The following CHID1 variants were observed in gnomAD, a reference collection of about 807,000 sequenced individuals.
CHID1 encodes the protein chitinase domain containing 1, also known as chitinase domain-containing protein 1.
In CHID1, 44 loss-of-function variants were observed where a neutral mutation model predicts 55.4. The observed-to-expected ratio is 0.79, with a 90% CI of 0.62 to 1.02. The LOEUF (loss-of-function observed/expected upper bound fraction) is 1.02. CHID1 is among the 50% of genes least tolerant of loss of function. The probability of loss-of-function intolerance (pLI) is 0.00; values close to 1 mark genes in which losing one functional copy is unlikely to be tolerated. For missense variants in CHID1, 491 were observed against 515.3 expected, an observed-to-expected ratio of 0.95 and a Z score of 0.46; for synonymous variants, 216 against 212.9, an observed-to-expected ratio of 1.01 and a Z score of -0.13.
intron 11 of CHID1, 33 bp from the exon 12 acceptor site, chr11:870,196 T>A: frequency 6.2e-7 from 1 of 1,612,940 alleles, no homozygotes; most frequent in Non-Finnish European, 8.5e-7. Context: ...GCCCATCCGC[T>A]CTGCTGGTTC....
chr11:913,610 T>TA (rs1852807713), upstream of CHID1, among the ~76,000 whole-genome samples: 3 of 150,380 alleles, frequency 2.0e-5, no homozygotes, highest in African/African-American at 7.4e-5. Flanking sequence ...CCATCTCTAT[T>TA]AAAATACAAA....
intron 1 of CHID1, chr11:908,267 T>G (rs1402478912): frequency 3.9e-5 from 6 of 152,394 alleles, no homozygotes; most frequent in African/African-American, 1.4e-4. Context: ...AGGCAGTGAG[T>G]GCTTGAACAG....
At chr11:906,968 C>T (rs935375101) in intron 1 of CHID1, among the ~76,000 whole-genome samples, 6 of 152,116 alleles carry the variant, frequency 3.9e-5, no homozygotes, top group Non-Finnish European at 8.8e-5. Context: ...GCAGAGGTTG[C>T]GGTAAGCCGA....
chr11:891,064 GCAGTGGCTGCTCTT>G (rs931123725), intron 8 of CHID1, among the ~76,000 whole-genome samples: 1 of 152,114 alleles, frequency 6.6e-6, no homozygotes, highest in Non-Finnish European at 1.5e-5. Flanking sequence ...AGGCTCCTCT[GCAGTGGCTGCTCTT>G]CCCTCAGAGT....
At chr11:890,463 G>A (rs1025233222) in intron 8 of CHID1, among the ~76,000 whole-genome samples, 3 of 152,228 alleles carry the variant, frequency 2.0e-5, no homozygotes, top group Non-Finnish European at 4.4e-5. Context: ...TCGCGGCCCC[G>A]CCCACCTCAG....
intron 8 of CHID1, 138 bp from the exon 9 acceptor site, chr11:884,307 C>T (rs1850235918): frequency 1.6e-6 from 1 of 633,684 alleles, no homozygotes; most frequent in East Asian, 2.8e-5. Context: ...GGGGTGGGGA[C>T]AGCCTGCAGC....
chr11:897,981 C>T (rs72479392), intron 7 of CHID1, among the ~76,000 whole-genome samples: 14,861 of 152,144 alleles, frequency 0.098, 813 homozygotes, highest in East Asian at 0.24. Context: ...GGAGCAGTTC[C>T]GGGAAGAGCC....
At chr11:870,709 C>T in intron 10 of CHID1, 1 of 552,220 alleles carries the variant, frequency 1.8e-6, no homozygotes, top group East Asian at 2.9e-5. Flanking sequence ...AAACATCTTC[C>T]AGGAGCTTCC....
intron 7 of CHID1, among the ~76,000 whole-genome samples, chr11:896,763 C>T (rs72847266): frequency 0.14 from 17,415 of 128,514 alleles, 1,672 homozygotes; most frequent in East Asian, 0.25. Context: ...CCACCCCAGA[C>T]GTGTGGCTGT....
At chr11:913,538 C>A (rs960134526), upstream of CHID1, among the ~76,000 whole-genome samples, 1 of 152,046 alleles carries the variant, frequency 6.6e-6, no homozygotes, top group African/African-American at 2.4e-5. Flanking sequence ...TTTGGGAGGC[C>A]GAGGTGGACG....
Position 883,255 on chromosome 11 carries a change from G to A in CHID1, c.852C>T (p.Val284=), listed in dbSNP as rs1555005571. Residue 284 remains valine (V), a synonymous_variant, in exon 10 of 13, where the codon GTC becomes GTT. Coordinates refer to ENST00000323578, the MANE Select transcript of CHID1 (RefSeq NM_023947.4). ...TTCGCCACTTGGACTTCGGGTCCAG[G>A]ACCTGGACGCAGGCTCGAACCCAGG... ...PLSWVRACVQ[V]LDPKSKWRSK... 6.2e-7 allele frequency: 1 copy of A among 1,614,158 alleles called. No homozygotes were observed. The highest frequency in any genetic ancestry group is 2.2e-5 in the East Asian group (1 of 44,886).
At position 869,776 on chromosome 11, in the gene CHID1, G is replaced by A. The variant is rs547295862; in HGVS notation, c.*82C>T. ...CAGCAGACCCGTCACAGCAAACGGAGTGGAGGCCTGTATTTCACACCTGCT... is the reference window on the plus strand; with the variant it reads ...CAGCAGACCCGTCACAGCAAACGGAATGGAGGCCTGTATTTCACACCTGCT... On this transcript the variant is annotated 3_prime_UTR_variant, in exon 13 of 13. Coordinates refer to ENST00000323578, the MANE Select transcript of CHID1 (RefSeq NM_023947.4). 2.2e-4 allele frequency: 281 copies of A among 1,250,094 alleles called. No individual in the cohort carries two copies. The African/African-American group carries it at 2.3e-3, about 10-fold the overall frequency. The allele number at this position is 1,250,094 out of a possible 1,614,324, so 77.4% of individuals were successfully genotyped here. A position where few individuals can be genotyped will look rare whatever the true frequency, so the allele number is the denominator to read the frequency against.
chr11:906,457 T>C (rs553096711), intron 1 of CHID1, among the ~76,000 whole-genome samples: 3 of 152,248 alleles, frequency 2.0e-5, no homozygotes, highest in African/African-American at 7.2e-5. Context: ...CAGGTTGGTC[T>C]CAAGCTCCTG....
intron 7 of CHID1, among the ~76,000 whole-genome samples, chr11:898,167 GTCCCT>G (rs1335169918): frequency 2.6e-5 from 4 of 152,222 alleles, no homozygotes; most frequent in Non-Finnish European, 5.9e-5. Flanking sequence ...CCTCAACAAT[GTCCCT>G]TCCCTCCCTC....
rs1317680817 is a variant in CHID1, at chr11:869,720, C to T, written c.*138G>A. 1.4e-6 allele frequency: 1 copy of T among 739,382 alleles called. No individual in the cohort carries two copies. The highest frequency in any genetic ancestry group is 1.6e-5 in the South Asian group (1 of 60,740). The allele number at this position is 739,382 out of a possible 1,614,324, so 45.8% of individuals were successfully genotyped here. Reference sequence around the variant, plus strand: ...CCCCTCATGGGAGGATGGGGAGTCACATGGTGCCCAGGACCCCCGACTGAG... The same window carrying T: ...CCCCTCATGGGAGGATGGGGAGTCATATGGTGCCCAGGACCCCCGACTGAG... On this transcript the variant is annotated 3_prime_UTR_variant, in exon 13 of 13. Coordinates refer to ENST00000323578, the MANE Select transcript of CHID1 (RefSeq NM_023947.4).
In CHID1 at chr11:878,488, A is replaced by C. The variant is rs1257938351; in HGVS notation, c.959+4660T>G. 3.3e-5 allele frequency among the ~76,000 whole-genome samples: 5 copies of C among 152,068 alleles called. No homozygotes were observed. In the East Asian group the frequency reaches 7.9e-4, roughly 24 times the overall value. On this transcript the variant is annotated intron_variant, in intron 10 of 12. Transcript: ENST00000323578. ...GGCTGAGGCAGAATTGCTTGAACCC[A>C]GGAGGCAGAGGATGCGGTGAGCCAA... is the stretch of plus-strand genomic sequence containing the variant.
At chr11:890,093 T>C (rs566711466) in intron 8 of CHID1, among the ~76,000 whole-genome samples, 127 of 152,162 alleles carry the variant, frequency 8.3e-4, no homozygotes, top group Non-Finnish European at 1.4e-3. Context: ...CCCCTCACGA[T>C]GGCTGCTCTA....
chr11:906,168 A>G (rs1852197572), intron 1 of CHID1, among the ~76,000 whole-genome samples: 1 of 150,878 alleles, frequency 6.6e-6, no homozygotes, highest in African/African-American at 2.4e-5. Context: ...TCCTGACCTC[A>G]GGTGATCTGC....
At chr11:870,219 C>T in intron 11 of CHID1, 56 bp from the exon 12 acceptor site, 1 of 1,608,750 alleles carries the variant, frequency 6.2e-7, no homozygotes, top group Non-Finnish European at 8.5e-7. Context: ...GGCCTCCTCC[C>T]CTCACAGCCA....
Sources: allele counts gnomAD v4.1 joint callset (sites outside exome capture counted in the v4.1 genomes callset), GRCh38; gene constraint gnomAD v4.1.1; transcripts MANE v1.5; gene names NCBI Gene and HGNC (gene_info 2026-07-23, HGNC 2026-07-21).